The following MSRA variants were observed in gnomAD, a reference collection of about 807,000 sequenced individuals.
MSRA encodes mitochondrial peptide methionine sulfoxide reductase.
MSRA carries 54 observed loss-of-function variants against 31.3 expected under a neutral mutation model. That is an observed-to-expected ratio of 1.73 (90% CI 1.39 to 2.17). The LOEUF (loss-of-function observed/expected upper bound fraction) is 2.17, where lower values mean the gene tolerates loss of function less well. Among genes scored for constraint, MSRA ranks in the 30% most tolerant of loss-of-function variants. MSRA has a pLI of 0.00. For missense variants in MSRA, 507 were observed against 300.9 expected, an observed-to-expected ratio of 1.69 and a Z score of -5.07; for synonymous variants, 169 against 116.5, an observed-to-expected ratio of 1.45 and a Z score of -2.90.
intron 1 of MSRA, among the ~76,000 whole-genome samples, chr8:10,157,857 C>T (rs1163402700): frequency 5.3e-5 from 8 of 152,082 alleles, no homozygotes; most frequent in Admixed American, 5.2e-4. Flanking sequence ...TTAATAACAG[C>T]TGTATTGACA....
intron 1 of MSRA, among the ~76,000 whole-genome samples, chr8:10,203,802 A>G (rs753340190): frequency 3.9e-5 from 6 of 152,206 alleles, no homozygotes; most frequent in Admixed American, 6.5e-5. Context: ...CATTGTTACC[A>G]TAGGAGATGA....
At chr8:10,405,395 C>T (rs901121958) in intron 5 of MSRA, among the ~76,000 whole-genome samples, 4 of 152,146 alleles carry the variant, frequency 2.6e-5, no homozygotes, top group African/African-American at 7.2e-5. Flanking sequence ...GGACATCTGG[C>T]GCGAGATGGT....
At chr8:10,153,279 A>G (rs1321966311) in intron 1 of MSRA, among the ~76,000 whole-genome samples, 1 of 152,126 alleles carries the variant, frequency 6.6e-6, no homozygotes, top group African/African-American at 2.4e-5. Flanking sequence ...ATGAGGCATG[A>G]GGTGGGGAAA....
chr8:10,253,090 C>A (rs540926553), intron 3 of MSRA, among the ~76,000 whole-genome samples: 1 of 152,296 alleles, frequency 6.6e-6, no homozygotes, highest in Non-Finnish European at 1.5e-5. Context: ...TCTATAGCTT[C>A]AAATAACTGA....
At chr8:10,068,178 G>A (rs760424187) in intron 1 of MSRA, among the ~76,000 whole-genome samples, 16 of 152,134 alleles carry the variant, frequency 1.1e-4, no homozygotes, top group African/African-American at 3.9e-4. Context: ...GCCACCATGA[G>A]TGGCCTATTG....
intron 5 of MSRA, among the ~76,000 whole-genome samples, chr8:10,383,419 G>A (rs774503996): frequency 3.3e-5 from 5 of 152,128 alleles, no homozygotes; most frequent in African/African-American, 4.8e-5. Flanking sequence ...ACGGTTTTGT[G>A]GCCTATTCTA....
At chr8:10,087,344 T>C (rs1051966681) in intron 1 of MSRA, among the ~76,000 whole-genome samples, 1 of 152,180 alleles carries the variant, frequency 6.6e-6, no homozygotes, top group African/African-American at 2.4e-5. Flanking sequence ...TTTATAATGA[T>C]TTGTTTGCAT....
intron 5 of MSRA, among the ~76,000 whole-genome samples, chr8:10,417,488 T>C (rs768189310): frequency 6.7e-6 from 1 of 150,150 alleles, no homozygotes; most frequent in African/African-American, 2.5e-5. Context: ...AGCCAGTCAG[T>C]GCCCAGTCAG....
chr8:10,246,729 G>A (rs1480860564), intron 3 of MSRA, among the ~76,000 whole-genome samples: 6 of 152,138 alleles, frequency 3.9e-5, no homozygotes, highest in Non-Finnish European at 8.8e-5. Context: ...AAATGTGCAT[G>A]TTCTTATTTT....
intron 1 of MSRA, among the ~76,000 whole-genome samples, chr8:10,153,117 C>T (rs369086209): frequency 4.6e-5 from 7 of 152,224 alleles, no homozygotes; most frequent in Middle Eastern, 3.4e-3. Context: ...CACTACTGAG[C>T]GGTACACTTA....
chr8:10,240,710 C>G (rs1420092839), intron 2 of MSRA, among the ~76,000 whole-genome samples: 2 of 152,242 alleles, frequency 1.3e-5, no homozygotes, highest in East Asian at 3.9e-4. Context: ...CTGAAGGAAC[C>G]AGTTGGGAGG....
At chr8:10,273,804 A>G (rs978855748) in intron 3 of MSRA, among the ~76,000 whole-genome samples, 11 of 152,152 alleles carry the variant, frequency 7.2e-5, no homozygotes, top group Non-Finnish European at 1.5e-4. Context: ...AACTATTCCA[A>G]TTACTTCAAG....
intron 5 of MSRA, among the ~76,000 whole-genome samples, chr8:10,356,264 G>C (rs541993132): frequency 3.3e-5 from 5 of 152,258 alleles, no homozygotes; most frequent in East Asian, 1.9e-4. Flanking sequence ...GGCAGACCTT[G>C]AAAAAAGTTT....
chr8:10,204,617 G>C (rs1808782891), intron 1 of MSRA, among the ~76,000 whole-genome samples: 2 of 152,176 alleles, frequency 1.3e-5, no homozygotes, highest in Non-Finnish European at 2.9e-5. Context: ...CTACCATCTA[G>C]GTTTGTGTAA....
In MSRA at chr8:10,054,582, G is replaced by C. The variant is rs138517353; in HGVS notation, c.66G>C (p.Arg22Ser). 8 of 1,584,000 alleles carry C rather than the reference G, an allele frequency of 5.1e-6. No homozygotes were observed. The African/African-American group carries it at 9.7e-5, about 19-fold the overall frequency. ...TCCACAGCCTCTTTCCCGTCCCGAG[G>C]ATGGGCAACTCGGCCTCGAACATCG... ...LLLHSLFPVP[R>S]MGNSASNIVS... is the part of the protein sequence containing the mutation. Residue 22 changes from arginine to serine, a missense_variant, in exon 1 of 6, where the codon AGG (arginine) becomes AGC (serine). Coordinates refer to ENST00000317173, the MANE Select transcript of MSRA (RefSeq NM_012331.5).
chr8:10,242,282 A>G (rs536997422), intron 2 of MSRA, among the ~76,000 whole-genome samples: 16 of 152,170 alleles, frequency 1.1e-4, no homozygotes, highest in African/African-American at 3.1e-4. Context: ...AAAAAAAAAA[A>G]AGAACTTAAA....
intron 5 of MSRA, among the ~76,000 whole-genome samples, chr8:10,344,704 A>G (rs1585536174): frequency 6.6e-6 from 1 of 152,098 alleles, no homozygotes; most frequent in South Asian, 2.1e-4. Flanking sequence ...GAATGAATCT[A>G]GAGCTTGATC....
At chr8:10,247,124 C>A (rs543091700) in intron 3 of MSRA, among the ~76,000 whole-genome samples, 36 of 152,328 alleles carry the variant, frequency 2.4e-4, no homozygotes, top group African/African-American at 8.4e-4. Context: ...ACCTTAATAA[C>A]AACATGATAA....
At chr8:10,121,891 G>C (rs1287787038) in intron 1 of MSRA, among the ~76,000 whole-genome samples, 1 of 151,062 alleles carries the variant, frequency 6.6e-6, no homozygotes, top group African/African-American at 2.4e-5. Context: ...ATGTTGCCCA[G>C]GCTGGTCTGA....
Sources: gnomAD v4.1 joint callset for allele counts (sites outside exome capture counted in the v4.1 genomes callset) on GRCh38, gnomAD v4.1.1 for gene constraint, MANE v1.5 for transcripts, NCBI Gene and HGNC (gene_info 2026-07-23, HGNC 2026-07-21) for gene names.